The following JAKMIP3 variants were observed in gnomAD, a reference collection of about 807,000 sequenced individuals.
JAKMIP3 encodes janus kinase and microtubule-interacting protein 3.
Under a neutral mutation model 118.5 loss-of-function variants are expected in JAKMIP3, and 58 were observed. The observed-to-expected ratio is 0.49, with a 90% CI of 0.40 to 0.61. The LOEUF (loss-of-function observed/expected upper bound fraction) is 0.61. Among genes scored for constraint, JAKMIP3 ranks in the 20% least tolerant of loss-of-function variants. The probability of loss-of-function intolerance (pLI) is 0.00; values close to 1 mark genes in which losing one functional copy is unlikely to be tolerated. For missense variants in JAKMIP3, 950 were observed against 1,109.0 expected, an observed-to-expected ratio of 0.86 and a Z score of 2.04; for synonymous variants, 486 against 451.2, an observed-to-expected ratio of 1.08 and a Z score of -0.98.
At chr10:132,180,782 T>TGCGC (rs1324520055) in intron 23 of JAKMIP3, among the ~76,000 whole-genome samples, 2 of 60,626 alleles carry the variant, frequency 3.3e-5, no homozygotes, top group African/African-American at 1.6e-4. Context: ...TGTGTGTGTG[T>TGCGC]GCGCGTATGC....
In JAKMIP3 at chr10:132,117,379, G is replaced by T. The variant is rs2047850233; in HGVS notation, c.438G>T (p.Gly146=). ...AGGCCAAGGAGGAGGCCAAGAAGGG[G>T]TTCGAGGTGGAGAAGGTCAAGATGC... ...LSEAKEEAKK[G]FEVEKVKMQQ... Residue 146 remains glycine (G), a synonymous_variant, in exon 3 of 24, where the codon GGG becomes GGT. Coordinates refer to ENST00000684848, the MANE Select transcript of JAKMIP3 (RefSeq NM_001323087.2). This position sits in a 1 kb window ranked among gnomAD's most constrained non-coding sequence, Gnocchi z 8.6. 1 of 1,613,898 alleles carries T rather than the reference G, an allele frequency of 6.2e-7. No homozygotes were observed. Among genetic ancestry groups the T allele is most frequent in the African/African-American group, 1.3e-5 (1 of 74,926 alleles).
intron 1 of JAKMIP3, among the ~76,000 whole-genome samples, chr10:132,090,695 T>G (rs532494357): frequency 3.3e-5 from 5 of 152,340 alleles, no homozygotes; most frequent in African/African-American, 1.2e-4. Context: ...GGTTTTTGTC[T>G]CTATCTCCTT....
intron 2 of JAKMIP3, among the ~76,000 whole-genome samples, chr10:132,108,464 G>A (rs919420267): frequency 7.0e-4 from 106 of 152,222 alleles, no homozygotes; most frequent in African/African-American, 2.4e-3. Context: ...GCAGCTACTG[G>A]AAGCAGGGGC....
intron 2 of JAKMIP3, among the ~76,000 whole-genome samples, chr10:132,114,364 A>G (rs558546625): frequency 6.6e-6 from 1 of 152,344 alleles, no homozygotes; most frequent in African/African-American, 2.4e-5. Flanking sequence ...ACAGGCGTGC[A>G]TCACTGCACC....
intron 1 of JAKMIP3, among the ~76,000 whole-genome samples, chr10:132,047,161 A>C (rs535791251): frequency 2.6e-5 from 4 of 152,314 alleles, no homozygotes; most frequent in Admixed American, 2.0e-4. Context: ...GCCATGAGCC[A>C]CTGCACCCAG....
Position 132,163,350 on chromosome 10 carries a change from C to A in JAKMIP3, c.2362C>A (p.Leu788Met), listed in dbSNP as rs1219437187. 1.2e-6 allele frequency: 2 copies of A among 1,609,412 alleles called. No homozygotes were observed. Among genetic ancestry groups the A allele is most frequent in the African/African-American group, 1.3e-5 (1 of 74,876 alleles). ...EQWKRQVMSE[L>M]RERDAQILRE... ...GTGGAAGCGCCAGGTCATGAGTGAGCTGCGCGAGCGGGACGCCCAGATCCT... is the reference window on the plus strand; with the variant it reads ...GTGGAAGCGCCAGGTCATGAGTGAGATGCGCGAGCGGGACGCCCAGATCCT... Residue 788 changes from leucine (L) to methionine (M), a missense_variant, in exon 20 of 24, where the codon CTG becomes ATG. Transcript: ENST00000684848.
At chr10:132,041,509 C>A (rs2037746512) in intron 1 of JAKMIP3, among the ~76,000 whole-genome samples, 1 of 152,264 alleles carries the variant, frequency 6.6e-6, no homozygotes, top group African/African-American at 2.4e-5. Flanking sequence ...TGTGGCCCCT[C>A]TGCCGCGTGT....
chr10:132,096,570 G>A (rs746219978), intron 1 of JAKMIP3, among the ~76,000 whole-genome samples: 15 of 152,170 alleles, frequency 9.9e-5, no homozygotes, highest in Non-Finnish European at 1.6e-4. Flanking sequence ...AAATGATAAT[G>A]GTAAATACAG....
At chr10:132,138,268 G>A in intron 9 of JAKMIP3, 90 bp downstream of exon 9, 1 of 1,191,830 alleles carries the variant, frequency 8.4e-7, no homozygotes, top group South Asian at 1.3e-5. Context: ...GCTGGTGTGT[G>A]CGGAGAGGGG....
At position 132,168,694 on chromosome 10, in the gene JAKMIP3, C is replaced by T. The variant is rs1037822459; in HGVS notation, c.*764C>T. Reference sequence around the variant, plus strand: ...CCCAAGCCGCCAGCTGGGAGCACCGCGGGACTGAGCCAAGGAAGGCGTGGG... The same window carrying T: ...CCCAAGCCGCCAGCTGGGAGCACCGTGGGACTGAGCCAAGGAAGGCGTGGG... On this transcript the variant is annotated 3_prime_UTR_variant, in exon 23 of 24. Transcript: ENST00000684848. 9.7e-6 allele frequency: 3 copies of T among 307,726 alleles called. No individual in the cohort carries two copies. Among genetic ancestry groups the T allele is most frequent in the South Asian group, 5.2e-5 (2 of 38,268 alleles). The allele number at this position is 307,726 out of a possible 1,614,324, so 19.1% of individuals were successfully genotyped here.
At position 132,091,644 on chromosome 10, in the gene JAKMIP3, T is replaced by C. The variant is rs1188991311; in HGVS notation, c.-137-13028T>C. Among the ~76,000 whole-genome samples, 3 of 152,216 alleles carry C rather than the reference T, an allele frequency of 2.0e-5. No individual in the cohort carries two copies. The East Asian group carries it at 5.8e-4, about 29-fold the overall frequency. On this transcript the variant is annotated intron_variant, in intron 1 of 23. Coordinates refer to ENST00000684848, the MANE Select transcript of JAKMIP3 (RefSeq NM_001323087.2). ...GCTTGGTAGATCTTCCTCCATCCCT[T>C]TATTTTGAGCCTATGTGTGTCTCTG...
intron 1 of JAKMIP3, among the ~76,000 whole-genome samples, chr10:132,085,916 G>C (rs1721487082): frequency 6.6e-6 from 1 of 151,992 alleles, no homozygotes; most frequent in African/African-American, 2.4e-5. Context: ...TGCTGGGTTT[G>C]GGTTTGGTTT....
At chr10:132,068,698 T>C (rs866753835) in intron 1 of JAKMIP3, among the ~76,000 whole-genome samples, 1 of 152,210 alleles carries the variant, frequency 6.6e-6, no homozygotes. Flanking sequence ...AAACCTGTGC[T>C]GCAGGCAAGG....
chr10:132,083,306 A>G (rs2042005962), intron 1 of JAKMIP3, among the ~76,000 whole-genome samples: 1 of 151,830 alleles, frequency 6.6e-6, no homozygotes, highest in South Asian at 2.1e-4. Context: ...CATTTTTCAT[A>G]TGTTTGTTGG....
rs1428501898 is a variant in JAKMIP3 at position 132,044,712 on chromosome 10, T to C, written c.-138+7974T>C. On this transcript the variant is annotated intron_variant, in intron 1 of 23. Transcript: ENST00000657785. The surrounding 1 kb of genome is among the most constrained non-coding windows in gnomAD (Gnocchi z 5.3). ...CACATACAAGTCACCATCTGAACCATTTTTAGGTGTGCGGCTCAGAGTAGG... is the reference window on the plus strand; with the variant it reads ...CACATACAAGTCACCATCTGAACCACTTTTAGGTGTGCGGCTCAGAGTAGG... 1.3e-5 allele frequency among the ~76,000 whole-genome samples: 2 copies of C among 152,112 alleles called. No homozygotes were observed. The highest frequency in any genetic ancestry group is 4.8e-5 in the African/African-American group (2 of 41,406).
At chr10:132,159,375 G>A (rs1214599463) in intron 19 of JAKMIP3, among the ~76,000 whole-genome samples, 1 of 103,278 alleles carries the variant, frequency 9.7e-6, no homozygotes. Context: ...ATGCTGGTTG[G>A]GGGGGGTCTA....
chr10:132,130,393 C>T (rs1341371480), intron 3 of JAKMIP3, among the ~76,000 whole-genome samples: 1 of 152,258 alleles, frequency 6.6e-6, no homozygotes, highest in Non-Finnish European at 1.5e-5. Flanking sequence ...CCGCTGGGAG[C>T]AGCAGCCTTT....
intron 4 of JAKMIP3, among the ~76,000 whole-genome samples, chr10:132,133,930 T>G (rs2051174031): frequency 1.3e-5 from 2 of 152,344 alleles, no homozygotes; most frequent in South Asian, 4.1e-4. Flanking sequence ...GGAAGGCTGG[T>G]GCACCGGCTC....
chr10:132,184,730 T>C lies in JAKMIP3; in HGVS notation c.*3477T>C, dbSNP rs1167443017. Reference sequence around the variant, plus strand: ...TTTTACAAATATTTTTGTATTGTGATTCCTATGATATATACCAGAGAATTT... The same window carrying C: ...TTTTACAAATATTTTTGTATTGTGACTCCTATGATATATACCAGAGAATTT... On this transcript the variant is annotated 3_prime_UTR_variant, in exon 24 of 24. Transcript: ENST00000684848. 1 of 152,228 alleles carries C rather than the reference T, an allele frequency of 6.6e-6. No homozygotes were observed. Among genetic ancestry groups the C allele is most frequent in the Admixed American group, 6.5e-5 (1 of 15,282 alleles). The allele number at this position is 152,228 out of a possible 1,614,324, so 9.4% of individuals were successfully genotyped here.
Sources: gnomAD v4.1 joint callset for allele counts (sites outside exome capture counted in the v4.1 genomes callset) on GRCh38, gnomAD v4.1.1 for gene constraint, Gnocchi (gnomAD v3.1) non-coding constraint, MANE v1.5 for transcripts, NCBI Gene and HGNC (gene_info 2026-07-23, HGNC 2026-07-21) for gene names.